The following QKI variants were observed in gnomAD, a reference collection of about 807,000 sequenced individuals.
The protein encoded by QKI is KH domain-containing RNA-binding protein QKI.
QKI carries 10 observed loss-of-function variants against 39.0 expected under a neutral mutation model. That is an observed-to-expected ratio of 0.26 (90% CI 0.16 to 0.43). The LOEUF (loss-of-function observed/expected upper bound fraction) is 0.43. Ranked by LOEUF, QKI falls within the 20% of genes least tolerant of loss-of-function variation. The probability of loss-of-function intolerance (pLI) is 1.00; values close to 1 mark genes in which losing one functional copy is unlikely to be tolerated. For synonymous variants in QKI, 204 were observed against 155.4 expected, an observed-to-expected ratio of 1.31 and a Z score of -2.33; for missense variants, 218 against 428.0, an observed-to-expected ratio of 0.51 and a Z score of 4.33.
rs1783383226 is a variant in QKI, at chr6:163,566,737, A to G, written c.951A>G (p.Lys317=). ...PSGVLGAVAT[K]VRRHDMRVHP... ...TTTAACTAGGTGCGGTGGCTACTAA[A>G]GTTCGAAGGCACGATATGCGTGTCC... The change falls in exon 7 of 8, where the codon AAA becomes AAG. Residue 317 remains lysine (K), a synonymous_variant. Transcript: ENST00000361752. 6.2e-7 allele frequency: 1 copy of G among 1,613,678 alleles called. No individual in the cohort carries two copies. The highest frequency in any genetic ancestry group is 1.7e-5 in the Admixed American group (1 of 59,974).
chr6:163,561,256 G>A (rs553606568), intron 4 of QKI, among the ~76,000 whole-genome samples: 21 of 152,242 alleles, frequency 1.4e-4, no homozygotes, highest in Admixed American at 3.9e-4. Context: ...ATGTGCACGC[G>A]CGTGTGTGTA....
At chr6:163,523,811 G>A (rs1583159284) in intron 3 of QKI, among the ~76,000 whole-genome samples, 1 of 152,160 alleles carries the variant, frequency 6.6e-6, no homozygotes, top group East Asian at 1.9e-4. Flanking sequence ...CTTTTTAGAT[G>A]CCTTGTGAAT....
intron 4 of QKI, among the ~76,000 whole-genome samples, chr6:163,541,962 CTA>C (rs1026319852): frequency 4.0e-5 from 6 of 151,856 alleles, no homozygotes; most frequent in African/African-American, 9.7e-5. Flanking sequence ...ATGTGTTTAA[CTA>C]TGTATGGGCT....
At chr6:163,428,757 T>TC (rs1788602425) in intron 1 of QKI, among the ~76,000 whole-genome samples, 1 of 151,904 alleles carries the variant, frequency 6.6e-6, no homozygotes, top group Admixed American at 6.6e-5. Flanking sequence ...CTTTTTTTTT[T>TC]TTTAAACTGT....
At chr6:163,415,467 G>T in intron 1 of QKI, 132 bp downstream of exon 1, 1 of 872,968 alleles carries the variant, frequency 1.1e-6, no homozygotes, top group Non-Finnish European at 1.5e-6. Flanking sequence ...GGGAGGCCAG[G>T]AGGGCGCACA....
At chr6:163,546,750 A>G (rs553471361) in intron 4 of QKI, among the ~76,000 whole-genome samples, 4 of 152,140 alleles carry the variant, frequency 2.6e-5, no homozygotes, top group African/African-American at 9.6e-5. Context: ...TTGGTAGCTC[A>G]TTATAGCTTT....
At chr6:163,430,557 T>A (rs1425255694) in intron 1 of QKI, among the ~76,000 whole-genome samples, 1 of 152,144 alleles carries the variant, frequency 6.6e-6, no homozygotes, top group South Asian at 2.1e-4. Flanking sequence ...ATCAGGAGCA[T>A]GGAGGAATAG....
Position 163,415,107 on chromosome 6 carries a change from C to G in QKI, c.-87C>G. On this transcript the variant is annotated 5_prime_UTR_variant, in exon 1 of 8. Coordinates refer to ENST00000361752, the MANE Select transcript of QKI (RefSeq NM_006775.3). ...AGCGGGACGCCGGGTCCCGAGCGGC[C>G]CGCGGCCGGGGCTCGCCCCCGCCCC... The G allele has an allele frequency of 9.5e-7, 1 of 1,052,586 alleles. No individual in the cohort carries two copies. The highest frequency in any genetic ancestry group is 1.1e-6 in the Non-Finnish European group (1 of 871,696). The allele number at this position is 1,052,586 out of a possible 1,614,324, so 65.2% of individuals were successfully genotyped here.
intron 3 of QKI, among the ~76,000 whole-genome samples, chr6:163,531,576 T>C (rs1046728883): frequency 1.3e-5 from 2 of 152,162 alleles, no homozygotes; most frequent in Non-Finnish European, 2.9e-5. Flanking sequence ...TTAACTAGAG[T>C]CAGGTAAATT....
chr6:163,561,450 T>TA (rs1166499631), intron 4 of QKI, among the ~76,000 whole-genome samples: 2 of 151,442 alleles, frequency 1.3e-5, no homozygotes, highest in African/African-American at 4.9e-5. Flanking sequence ...CTACAAAAAA[T>TA]AAAAAAAATT....
chr6:163,548,425 T>TA (rs1782023606), intron 4 of QKI, among the ~76,000 whole-genome samples: 3 of 152,242 alleles, frequency 2.0e-5, no homozygotes. Flanking sequence ...GCCTCATTTT[T>TA]TAAATCACCT....
intron 1 of QKI, among the ~76,000 whole-genome samples, chr6:163,419,052 C>T (rs1345613268): frequency 6.6e-6 from 1 of 152,166 alleles, no homozygotes; most frequent in Middle Eastern, 3.4e-3. Context: ...AAAAAGAGAG[C>T]AGATGGATTA....
At chr6:163,427,840 T>C (rs911520766) in intron 1 of QKI, among the ~76,000 whole-genome samples, 2 of 152,046 alleles carry the variant, frequency 1.3e-5, no homozygotes, top group African/African-American at 4.8e-5. Flanking sequence ...CTGAATAATA[T>C]CAGTAAAAAT....
chr6:163,415,121 CG>C lies in QKI; in HGVS notation c.-72del. 8.9e-7 allele frequency: 1 copy of C among 1,125,992 alleles called. No individual in the cohort carries two copies. The highest frequency in any genetic ancestry group is 1.1e-6 in the Non-Finnish European group (1 of 912,972). 69.8% of individuals were successfully genotyped at this position (1,125,992 alleles called of 1,614,324 possible). A position where few individuals can be genotyped will look rare whatever the true frequency, so the allele number is the denominator to read the frequency against. ...TCCCGAGCGGCCCGCGGCCGGGGCT[CG>C]CCCCCGCCCCTCCCTCCTCTCCGGC... On this transcript the variant is annotated 5_prime_UTR_variant, in exon 1 of 8. Coordinates refer to ENST00000361752, the MANE Select transcript of QKI (RefSeq NM_006775.3).
chr6:163,431,891 C>T (rs1211412828), intron 1 of QKI, among the ~76,000 whole-genome samples: 1 of 149,180 alleles, frequency 6.7e-6, no homozygotes, highest in Non-Finnish European at 1.5e-5. Flanking sequence ...TTTGAGAGAT[C>T]GTAGACCCAT....
At chr6:163,509,668 AT>A (rs1351671026) in intron 3 of QKI, among the ~76,000 whole-genome samples, 2 of 152,154 alleles carry the variant, frequency 1.3e-5, no homozygotes, top group Non-Finnish European at 2.9e-5. Context: ...CAAAAGGTAT[AT>A]GTAAAGAGCC....
chr6:163,470,371 G>A (rs1792092432), intron 2 of QKI, among the ~76,000 whole-genome samples: 1 of 152,118 alleles, frequency 6.6e-6, no homozygotes, highest in Non-Finnish European at 1.5e-5. Context: ...GCTCAAAATT[G>A]TCTATCTCAG....
rs201292493 is a variant in QKI, at chr6:163,439,354, T to TGG, written c.143-15925_143-15924insGG. On this transcript the variant is annotated intron_variant, in intron 1 of 7. Coordinates refer to ENST00000361752, the MANE Select transcript of QKI (RefSeq NM_006775.3). ...GGTTTTTTTTTGTTTTTTTTTTTTT[T>TGG]CGGGGGGGTGGGGGACGGAGTCTCA... Among the ~76,000 whole-genome samples, 241 of 133,418 alleles carry TGG rather than the reference T, an allele frequency of 1.8e-3. 9 individuals carry two copies. The highest frequency in any genetic ancestry group is 2.7e-3 in the Non-Finnish European group (164 of 60,736). The allele number at this position is 133,418 out of a possible 152,430, so 87.5% of individuals were successfully genotyped here.
At chr6:163,570,409 A>T (rs1042614655) in intron 7 of QKI, 1 of 974,930 alleles carries the variant, frequency 1.0e-6, no homozygotes, top group Non-Finnish European at 1.2e-6. Context: ...ATTAGTTGTT[A>T]GTTGTATTTT....
Sources: gnomAD v4.1 joint callset for allele counts (sites outside exome capture counted in the v4.1 genomes callset) on GRCh38, gnomAD v4.1.1 for gene constraint, MANE v1.5 for transcripts, NCBI Gene and HGNC (gene_info 2026-07-23, HGNC 2026-07-21) for gene names.